The following RAF1 variants were observed in gnomAD, a reference collection of about 807,000 sequenced individuals.
RAF1 encodes the protein RAF proto-oncogene serine/threonine-protein kinase.
Under a neutral mutation model 81.1 loss-of-function variants are expected in RAF1, and 27 were observed. The observed-to-expected ratio is 0.33, with a 90% confidence interval of 0.25 to 0.46. The LOEUF (loss-of-function observed/expected upper bound fraction) is 0.46. Ranked by LOEUF, RAF1 falls within the 20% of genes least tolerant of loss-of-function variation. The probability of loss-of-function intolerance (pLI) is 1.00; values close to 1 mark genes in which losing one functional copy is unlikely to be tolerated. For missense variants in RAF1, 598 were observed against 826.0 expected (o/e 0.72, Z 3.38); for synonymous variants, 298 against 294.0 (o/e 1.01, Z -0.14).
intron 1 of RAF1, among the ~76,000 whole-genome samples, chr3:12,657,000 G>GAAA (rs773741528): frequency 9.5e-4 from 132 of 138,976 alleles, no homozygotes; most frequent in African/African-American, 3.0e-3. Flanking sequence ...TCCATCTCGG[G>GAAA]GAAAAAAAAA....
chr3:12,652,476 G>A (rs1047428017), intron 1 of RAF1, among the ~76,000 whole-genome samples: 7 of 151,668 alleles, frequency 4.6e-5, no homozygotes, highest in Admixed American at 1.3e-4. Flanking sequence ...AGCCAAGTTC[G>A]CACCACTGCA....
Position 12,585,179 on chromosome 3 carries a change from T to C in RAF1, c.1671A>G (p.Val557=), listed in dbSNP as rs765960541. 3 of 1,614,106 alleles carry C rather than the reference T, an allele frequency of 1.9e-6. No individual in the cohort carries two copies. Among genetic ancestry groups the C allele is most frequent in the Non-Finnish European group, 1.7e-6 (2 of 1,180,012 alleles). The change falls in exon 16 of 18, where the codon GTA becomes GTG. Residue 557 remains valine, a synonymous_variant. Transcript: ENST00000442415. ...GCTCCCCCGTCATCAGTTCATACAA[T>C]ACGATGCCATAGGAGTAGACATCCG...
In RAF1 at chr3:12,662,338, T is replaced by TAA. The variant is rs61275660; in HGVS notation, c.-27+1473_-27+1474dup. Among the ~76,000 whole-genome samples, 333 of 100,818 alleles carry TAA rather than the reference T, an allele frequency of 3.3e-3. 1 individual carries two copies. Among genetic ancestry groups the TAA allele is most frequent in the Non-Finnish European group, 5.0e-3 (254 of 50,878 alleles). The allele number at this position is 100,818 out of a possible 152,430, so 66.1% of individuals were successfully genotyped here. On this transcript the variant is annotated intron_variant, in intron 1 of 17. Transcript: ENST00000442415. ...GCGACAGAGTGAGATCCTGTTCCTTTAAAAAAAAAAAAAAAAAAAAAAAAA... is the reference window on the plus strand; with the variant it reads ...GCGACAGAGTGAGATCCTGTTCCTTTAAAAAAAAAAAAAAAAAAAAAAAAAAA...
rs562668595 is a variant in RAF1, at chr3:12,585,804, A to C, written c.1478-5T>G. On this transcript the variant is annotated splice_region_variant and splice_polypyrimidine_tract_variant and intron_variant, in intron 14 of 17. Transcript: ENST00000442415. ...AGCCTTCATGGAGAAATATATCTCA[A>C]TGCTTGTTAAGGACTCTGGTTTCAA... The C allele has an allele frequency of 4.4e-6, 7 of 1,586,526 alleles. No homozygotes were observed. Among genetic ancestry groups the C allele is most frequent in the East Asian group, 2.2e-5 (1 of 44,746 alleles).
chr3:12,619,427 G>A (rs2059482203), intron 1 of RAF1, among the ~76,000 whole-genome samples: 1 of 152,064 alleles, frequency 6.6e-6, no homozygotes, highest in East Asian at 1.9e-4. Flanking sequence ...AGCCAGGCAT[G>A]GTGGTGGGTG....
intron 1 of RAF1, 55 bp downstream of exon 1, chr3:12,663,758 C>T: frequency 2.5e-6 from 1 of 396,014 alleles, no homozygotes; most frequent in Non-Finnish European, 4.4e-6. Flanking sequence ...GAAGCCGATC[C>T]CTCAGCCCCG....
chr3:12,592,029 TG>T, intron 11 of RAF1: 1 of 555,616 alleles, frequency 1.8e-6, no homozygotes, highest in African/African-American at 1.9e-5. Context: ...CCTCCCACCT[TG>T]GCCTCCCAAA....
In RAF1 at chr3:12,596,303, C is replaced by A. The variant is rs144809205; in HGVS notation, c.1168+3388G>T. 1.4e-3 allele frequency among the ~76,000 whole-genome samples: 219 copies of A among 151,690 alleles called. 1 individual carries two copies. The highest frequency in any genetic ancestry group is 5.0e-3 in the African/African-American group (208 of 41,326). ...TCGCCTCCTGGGTTCAAGCAATTCT[C>A]CTGCCTTAGCCTCCTAAGTAGCTGG... On this transcript the variant is annotated intron_variant, in intron 11 of 17. Coordinates refer to ENST00000442415, the MANE Select transcript of RAF1 (RefSeq NM_001354689.3).
intron 1 of RAF1, among the ~76,000 whole-genome samples, chr3:12,627,516 C>A (rs2059739614): frequency 6.6e-6 from 1 of 152,184 alleles, no homozygotes; most frequent in South Asian, 2.1e-4. Flanking sequence ...AAAGGGATGA[C>A]TCATAATTGC....
chr3:12,650,097 G>C (rs1242205544), intron 1 of RAF1, among the ~76,000 whole-genome samples: 1 of 127,358 alleles, frequency 7.9e-6, no homozygotes, highest in Non-Finnish European at 1.6e-5. Flanking sequence ...ATTGAGCCAA[G>C]ATCACGCCAT....
chr3:12,650,145 CAAAAAAAAAAAAAAA>C lies in RAF1; in HGVS notation c.-27+13653_-27+13667del, dbSNP rs36098034. Reference sequence around the variant, plus strand: ...CGGGAGACAGTGCGAGACTCCATCTCAAAAAAAAAAAAAAAAAAAAAAAAAAAAATTTAATCAGGC... The same window carrying C: ...CGGGAGACAGTGCGAGACTCCATCTCAAAAAAAAAAAAAATTTAATCAGGC... On this transcript the variant is annotated intron_variant, in intron 1 of 17. Coordinates refer to ENST00000442415, the MANE Select transcript of RAF1 (RefSeq NM_001354689.3). Among the ~76,000 whole-genome samples, 11 of 76,970 alleles carry C rather than the reference CAAAAAAAAAAAAAAA, an allele frequency of 1.4e-4. No individual in the cohort carries two copies. In the South Asian group the frequency reaches 5.0e-3, roughly 35 times the overall value. The allele number at this position is 76,970 out of a possible 152,430, so 50.5% of individuals were successfully genotyped here. A position where few individuals can be genotyped will look rare whatever the true frequency, so the allele number is the denominator to read the frequency against.
intron 1 of RAF1, among the ~76,000 whole-genome samples, chr3:12,651,589 G>A (rs1169217556): frequency 4.6e-5 from 7 of 150,836 alleles, no homozygotes; most frequent in Admixed American, 1.3e-4. Flanking sequence ...AGCTGAGATC[G>A]GTTGCCGTGA....
At chr3:12,600,312 G>A (rs1266387171) in intron 9 of RAF1, 33 bp from the exon 9 acceptor site, 8 of 1,614,150 alleles carry the variant, frequency 5.0e-6, no homozygotes, top group East Asian at 2.2e-5. Context: ...AGCCACACAA[G>A]GATAAGCCAA....
rs2058245769 is a variant in RAF1, at chr3:12,584,344, G to A, written c.*170C>T. On this transcript the variant is annotated 3_prime_UTR_variant, in exon 18 of 18. Coordinates refer to ENST00000442415, the MANE Select transcript of RAF1 (RefSeq NM_001354689.3). Reference sequence around the variant, plus strand: ...GGCTTCCTTCTCCCAGGGCCCAAAGGGATAGAAAAGAAGGCAACATGAAGT... The same window carrying A: ...GGCTTCCTTCTCCCAGGGCCCAAAGAGATAGAAAAGAAGGCAACATGAAGT... 5 of 799,176 alleles carry A rather than the reference G, an allele frequency of 6.3e-6. No individual in the cohort carries two copies. The highest frequency in any genetic ancestry group is 1.0e-5 in the Non-Finnish European group (5 of 496,962). 49.5% of individuals were successfully genotyped at this position (799,176 alleles called of 1,614,324 possible). A position where few individuals can be genotyped will look rare whatever the true frequency, so the allele number is the denominator to read the frequency against.
intron 1 of RAF1, among the ~76,000 whole-genome samples, chr3:12,642,663 A>AGT (rs1157250855): frequency 7.2e-6 from 1 of 138,632 alleles, no homozygotes; most frequent in Non-Finnish European, 1.6e-5. Context: ...ACAGGGAGAC[A>AGT]CCATCTCTAC....
At chr3:12,609,451 A>G in intron 3 of RAF1, 116 bp from the exon 4 acceptor site, 1 of 712,104 alleles carries the variant, frequency 1.4e-6, no homozygotes, top group Non-Finnish European at 2.5e-6. Flanking sequence ...TAATCCATAC[A>G]ACAATAATTT....
intron 13 of RAF1, chr3:12,587,903 C>G (rs2058380327): frequency 3.5e-6 from 1 of 286,446 alleles, no homozygotes; most frequent in African/African-American, 2.4e-5. Context: ...ACCTCCTGGG[C>G]TCAAGTGATC....
intron 1 of RAF1, among the ~76,000 whole-genome samples, chr3:12,646,217 T>G (rs374923486): frequency 6.6e-6 from 1 of 152,190 alleles, no homozygotes; most frequent in Non-Finnish European, 1.5e-5. Flanking sequence ...CATAGCTCAC[T>G]GTAGCCTCAA....
chr3:12,653,310 A>G (rs1214096239), intron 1 of RAF1, among the ~76,000 whole-genome samples: 1 of 152,090 alleles, frequency 6.6e-6, no homozygotes, highest in Non-Finnish European at 1.5e-5. Flanking sequence ...TGTACAAACT[A>G]TATTACTACA....
Sources: gnomAD v4.1 joint callset for allele counts (sites outside exome capture counted in the v4.1 genomes callset) on GRCh38, gnomAD v4.1.1 for gene constraint, MANE v1.5 for transcripts, NCBI Gene and HGNC (gene_info 2026-07-23, HGNC 2026-07-21) for gene names.